Variants in SNTB2 observed in about 807,000 individuals in gnomAD.
SNTB2 encodes syntrophin beta 2, also known as beta-2-syntrophin.
A neutral mutation model predicts 46.2 loss-of-function variants in SNTB2; 34 were observed. The observed-to-expected ratio is 0.74, with a 90% confidence interval of 0.56 to 0.98. The LOEUF (loss-of-function observed/expected upper bound fraction) is 0.98. Among genes scored for constraint, SNTB2 ranks in the 50% least tolerant of loss-of-function variants. The pLI is 0.00. For synonymous variants in SNTB2, 290 were observed against 312.6 expected, an observed-to-expected ratio of 0.93 and a Z score of 0.76; for missense variants, 603 against 731.4, an observed-to-expected ratio of 0.82 and a Z score of 2.02.
chr16:69,227,070 A>G (rs555423753), intron 1 of SNTB2, among the ~76,000 whole-genome samples: 68 of 152,350 alleles, frequency 4.5e-4, no homozygotes, highest in Non-Finnish European at 9.3e-4. Context: ...AGTGGGGCTG[A>G]CCAAGGGCCT....
chr16:69,194,374 C>T (rs931793015), intron 1 of SNTB2, among the ~76,000 whole-genome samples: 3 of 152,126 alleles, frequency 2.0e-5, no homozygotes, highest in Admixed American at 6.6e-5. Flanking sequence ...TTGTAACATA[C>T]CACACTGTAT....
chr16:69,212,583 C>T (rs1477796304), intron 1 of SNTB2, among the ~76,000 whole-genome samples: 1 of 152,056 alleles, frequency 6.6e-6, no homozygotes, highest in African/African-American at 2.4e-5. Context: ...ATGATCCACC[C>T]ACCTCGGCCT....
Position 69,259,951 on chromosome 16 carries a change from A to G in SNTB2, c.795-99A>G, listed in dbSNP as rs994343732. 96 of 910,642 alleles carry G rather than the reference A, an allele frequency of 1.1e-4. No homozygotes were observed. The East Asian group carries it at 1.7e-3, about 16-fold the overall frequency. The allele number at this position is 910,642 out of a possible 1,614,324, so 56.4% of individuals were successfully genotyped here. A position where few individuals can be genotyped will look rare whatever the true frequency, so the allele number is the denominator to read the frequency against. ...TTGAGTATACAAATTTATTTGAAGA[A>G]TGCAAAATTAAAATAGATTTGCAGT... On this transcript the variant is annotated intron_variant, in intron 2 of 6. Transcript: ENST00000336278.
intron 1 of SNTB2, among the ~76,000 whole-genome samples, chr16:69,224,937 A>C (rs1280856686): frequency 6.6e-6 from 1 of 152,220 alleles, no homozygotes. Context: ...AATATTACTT[A>C]ACATGCAGTA....
At chr16:69,298,379 C>T (rs1965246673) in intron 5 of SNTB2, among the ~76,000 whole-genome samples, 1 of 152,068 alleles carries the variant, frequency 6.6e-6, no homozygotes, top group African/African-American at 2.4e-5. Flanking sequence ...TAATCTTTAT[C>T]TTCATCCCAA....
At chr16:69,228,834 A>G (rs989488604) in intron 1 of SNTB2, among the ~76,000 whole-genome samples, 3 of 152,150 alleles carry the variant, frequency 2.0e-5, no homozygotes, top group Admixed American at 2.0e-4. Context: ...TAAGGATGGT[A>G]TATTATGTTT....
In SNTB2 at chr16:69,187,353, C is replaced by G. The variant is rs1389800897; in HGVS notation, c.187C>G (p.Leu63Val). 1 of 1,408,800 alleles carries G rather than the reference C, an allele frequency of 7.1e-7. No individual in the cohort carries two copies. Among genetic ancestry groups the G allele is most frequent in the Non-Finnish European group, 9.3e-7 (1 of 1,080,754 alleles). The allele number at this position is 1,408,800 out of a possible 1,614,324, so 87.3% of individuals were successfully genotyped here. The change falls in exon 1 of 7, where the codon CTG becomes GTG. Residue 63 changes from leucine (L) to valine (V), a missense_variant. By Grantham distance (32) the Leu-to-Val change is conservative. Coordinates refer to ENST00000336278, the MANE Select transcript of SNTB2 (RefSeq NM_006750.4). ...CGCCGCGGCCGAGCTGGAGCCCGCT[C>G]TGGGACCCGCGGCCGCCGCCTTCAA... ...DAAAAELEPA[L>V]GPAAAAFNGL... is the part of the protein sequence containing the mutation.
At chr16:69,208,431 A>G (rs1179972828) in intron 1 of SNTB2, among the ~76,000 whole-genome samples, 1 of 151,884 alleles carries the variant, frequency 6.6e-6, no homozygotes, top group Non-Finnish European at 1.5e-5. Flanking sequence ...AGTAAAAGAT[A>G]TAGTATAGTA....
chr16:69,213,281 T>G (rs937608266), intron 1 of SNTB2, among the ~76,000 whole-genome samples: 1 of 152,180 alleles, frequency 6.6e-6, no homozygotes, highest in Non-Finnish European at 1.5e-5. Flanking sequence ...TGATTTCATG[T>G]GTGTCCTCTG....
intron 1 of SNTB2, among the ~76,000 whole-genome samples, chr16:69,202,308 T>G (rs532074061): frequency 3.3e-5 from 5 of 150,960 alleles, no homozygotes; most frequent in Non-Finnish European, 4.4e-5. Flanking sequence ...AGGCATTACT[T>G]TGAACAAACA....
chr16:69,287,143 T>C (rs1157508047), intron 5 of SNTB2, among the ~76,000 whole-genome samples: 1 of 152,198 alleles, frequency 6.6e-6, no homozygotes, highest in African/African-American at 2.4e-5. Context: ...CCTCTTGTGG[T>C]TAGTTGTCAT....
intron 4 of SNTB2, among the ~76,000 whole-genome samples, chr16:69,272,320 C>T (rs947631403): frequency 3.3e-5 from 5 of 151,912 alleles, no homozygotes; most frequent in Non-Finnish European, 5.9e-5. Flanking sequence ...GCAGGCCTAT[C>T]ATCTGAGGTC....
At chr16:69,194,457 A>C (rs972329280) in intron 1 of SNTB2, among the ~76,000 whole-genome samples, 5 of 152,230 alleles carry the variant, frequency 3.3e-5, no homozygotes, top group Admixed American at 2.0e-4. Flanking sequence ...GAAAAGTAAC[A>C]ATAGACAATT....
At chr16:69,194,890 A>G (rs907446786) in intron 1 of SNTB2, among the ~76,000 whole-genome samples, 3 of 152,252 alleles carry the variant, frequency 2.0e-5, no homozygotes, top group Non-Finnish European at 4.4e-5. Flanking sequence ...AGAAGATAAT[A>G]TAGATTAAAG....
intron 1 of SNTB2, among the ~76,000 whole-genome samples, chr16:69,216,618 A>G (rs1295250813): frequency 6.6e-6 from 1 of 151,748 alleles, no homozygotes; most frequent in Non-Finnish European, 1.5e-5. Context: ...ATGGGAAGTC[A>G]CAGCTGCATT....
At chr16:69,292,426 AT>A (rs1312078018) in intron 5 of SNTB2, among the ~76,000 whole-genome samples, 1 of 5,732 alleles carries the variant, frequency 1.7e-4, no homozygotes, top group Non-Finnish European at 3.0e-4. Context: ...TATTATATAT[AT>A]ATATATATTA....
chr16:69,212,298 C>T (rs1964296169), intron 1 of SNTB2, among the ~76,000 whole-genome samples: 1 of 152,034 alleles, frequency 6.6e-6, no homozygotes, highest in African/African-American at 2.4e-5. Flanking sequence ...CTACCACCCC[C>T]ACTTCAAAGT....
chr16:69,200,103 A>T (rs1251292272), intron 1 of SNTB2, among the ~76,000 whole-genome samples: 1 of 152,050 alleles, frequency 6.6e-6, no homozygotes, highest in Non-Finnish European at 1.5e-5. Context: ...TTTAGTAGAG[A>T]TGGGGTTTCA....
intron 1 of SNTB2, among the ~76,000 whole-genome samples, chr16:69,242,696 G>T (rs537998938): frequency 6.6e-6 from 1 of 152,144 alleles, no homozygotes; most frequent in African/African-American, 2.4e-5. Flanking sequence ...TGCTTTTGGG[G>T]TGGGAGGAAG....
Sources: allele counts gnomAD v4.1 joint callset (sites outside exome capture counted in the v4.1 genomes callset), GRCh38; gene constraint gnomAD v4.1.1; transcripts MANE v1.5; gene names NCBI Gene and HGNC (gene_info 2026-07-23, HGNC 2026-07-21).